Variants in DOCK3 observed in about 807,000 individuals in gnomAD.
The protein encoded by DOCK3 is dedicator of cytokinesis protein 3.
In DOCK3, 60 loss-of-function variants were observed where a neutral mutation model predicts 265.6. That is an observed-to-expected ratio of 0.23 (90% confidence interval 0.18 to 0.28). The LOEUF is 0.28. Ranked by LOEUF, DOCK3 falls within the 10% of genes least tolerant of loss-of-function variation. The pLI, the probability that DOCK3 is intolerant of heterozygous loss-of-function variation, is 1.00. For synonymous variants in DOCK3, 881 were observed against 938.0 expected, an observed-to-expected ratio of 0.94 and a Z score of 1.11; for missense variants, 1,981 against 2,594.3, an observed-to-expected ratio of 0.76 and a Z score of 5.14.
intron 5 of DOCK3, among the ~76,000 whole-genome samples, chr3:50,977,315 A>G (rs906461287): frequency 1.3e-5 from 2 of 151,928 alleles, no homozygotes; most frequent in African/African-American, 4.8e-5. Flanking sequence ...CACTTCCTTC[A>G]GGAGCTCTTG....
intron 5 of DOCK3, among the ~76,000 whole-genome samples, chr3:50,941,088 C>T (rs2076280250): frequency 6.6e-6 from 1 of 151,980 alleles, no homozygotes; most frequent in Non-Finnish European, 1.5e-5. Flanking sequence ...TCTATCAAAA[C>T]CAAAATTTTT....
chr3:51,257,881 A>C (rs1400006984), intron 22 of DOCK3, among the ~76,000 whole-genome samples: 1 of 152,178 alleles, frequency 6.6e-6, no homozygotes, highest in East Asian at 1.9e-4. Flanking sequence ...AATCTGTCAG[A>C]GGTGGCCAGC....
intron 1 of DOCK3, among the ~76,000 whole-genome samples, chr3:50,677,597 G>A (rs537969434): frequency 1.3e-5 from 2 of 152,302 alleles, no homozygotes; most frequent in South Asian, 2.1e-4. Context: ...ACATAGCAAG[G>A]AGGGAAACCC....
intron 2 of DOCK3, chr3:50,786,947 G>A: frequency 2.7e-6 from 2 of 741,022 alleles, no homozygotes; most frequent in Non-Finnish European, 2.5e-6. Flanking sequence ...GGTTTCACAT[G>A]TAAATGGCAT....
In DOCK3 at chr3:51,312,010, A is replaced by T. The variant is rs1296946984; in HGVS notation, c.3024A>T (p.Ile1008=). 5 of 1,600,002 alleles carry T rather than the reference A, an allele frequency of 3.1e-6. No individual in the cohort carries two copies. The highest frequency in any genetic ancestry group is 4.3e-6 in the Non-Finnish European group (5 of 1,172,382). Residue 1008 remains isoleucine, a synonymous_variant, in exon 29 of 53, where the codon ATA becomes ATT. Transcript: ENST00000266037. ...CCTTGTTTCCTTACTGCAGTATTATAGTCACTACTGTCCAGTACCTGTCCT... is the reference window on the plus strand; with the variant it reads ...CCTTGTTTCCTTACTGCAGTATTATTGTCACTACTGTCCAGTACCTGTCCT... The part of the protein sequence containing the change: ...MVMRLLTSNI[I]VTTVQYLSSA...
At chr3:50,900,407 G>A (rs2049124793) in intron 4 of DOCK3, among the ~76,000 whole-genome samples, 1 of 152,052 alleles carries the variant, frequency 6.6e-6, no homozygotes, top group African/African-American at 2.4e-5. Flanking sequence ...TAGCTTCGTT[G>A]CATTGGGTTA....
In DOCK3 at chr3:51,089,233, C is replaced by T. The variant is rs1473839027; in HGVS notation, c.550-10C>T. 1.2e-6 allele frequency: 2 copies of T among 1,603,206 alleles called. No homozygotes were observed. The highest frequency in any genetic ancestry group is 2.7e-5 in the African/African-American group (2 of 74,772). On this transcript the variant is annotated splice_polypyrimidine_tract_variant and intron_variant, in intron 7 of 52. Coordinates refer to ENST00000266037, the MANE Select transcript of DOCK3 (RefSeq NM_004947.5). ...CGGTAGAGTTTATTTTTCTTTCCTT[C>T]TTTCCATAGCATTTATCTAGCCGGC...
intron 16 of DOCK3, 56 bp from the exon 17 acceptor site, chr3:51,227,926 C>T: frequency 6.5e-7 from 1 of 1,546,644 alleles, no homozygotes; most frequent in South Asian, 1.1e-5. Context: ...AGGAGAATTT[C>T]CATGAGGAAG....
At chr3:50,930,677 G>A (rs1005453397) in intron 4 of DOCK3, among the ~76,000 whole-genome samples, 4 of 152,156 alleles carry the variant, frequency 2.6e-5, no homozygotes, top group Non-Finnish European at 5.9e-5. Flanking sequence ...GCCCAGGGTG[G>A]GCACCTCTGG....
intron 38 of DOCK3, among the ~76,000 whole-genome samples, chr3:51,345,642 C>T (rs778154356): frequency 7.2e-5 from 11 of 152,094 alleles, no homozygotes; most frequent in Non-Finnish European, 1.5e-4. Flanking sequence ...AAACAAACAA[C>T]AACAAAACAC....
At chr3:50,839,748 TCTCCC>T (rs1329602670) in intron 2 of DOCK3, among the ~76,000 whole-genome samples, 1 of 47,736 alleles carries the variant, frequency 2.1e-5, no homozygotes, top group Non-Finnish European at 3.7e-5. Context: ...CCTCCCCTCC[TCTCCC>T]CTCCCCTCCT....
Position 50,917,807 on chromosome 3 carries a change from C to T in DOCK3, c.219-16174C>T, listed in dbSNP as rs370290373. Among the ~76,000 whole-genome samples the T allele has an allele frequency of 1.6e-3, 247 of 152,032 alleles. 2 individuals carry two copies. Among genetic ancestry groups the T allele is most frequent in the East Asian group, 7.9e-3 (41 of 5,162 alleles). On this transcript the variant is annotated intron_variant, in intron 4 of 52. Coordinates refer to ENST00000266037, the MANE Select transcript of DOCK3 (RefSeq NM_004947.5). ...TAAGTTCTAGGGTTCATGTGCATAA[C>T]GTGCAGCTTTGTTACATATGTATAC...
At chr3:50,704,028 A>G (rs537221976) in intron 1 of DOCK3, among the ~76,000 whole-genome samples, 2 of 151,808 alleles carry the variant, frequency 1.3e-5, no homozygotes, top group African/African-American at 4.8e-5. Flanking sequence ...TAATTTCTTT[A>G]TTGACCCAGT....
intron 12 of DOCK3, among the ~76,000 whole-genome samples, chr3:51,199,381 A>T (rs1240491989): frequency 6.6e-6 from 1 of 152,230 alleles, no homozygotes; most frequent in Non-Finnish European, 1.5e-5. Context: ...ACATCAGGAG[A>T]TTATATCCTG....
chr3:51,325,127 A>G (rs1398430581), intron 32 of DOCK3, among the ~76,000 whole-genome samples: 1 of 152,200 alleles, frequency 6.6e-6, no homozygotes, highest in Admixed American at 6.5e-5. Context: ...CAGAGTGAAC[A>G]GACAACCTAC....
chr3:50,903,189 C>T (rs1386296210), intron 4 of DOCK3, among the ~76,000 whole-genome samples: 3 of 152,204 alleles, frequency 2.0e-5, no homozygotes, highest in African/African-American at 7.2e-5. Flanking sequence ...CTGACCAGAA[C>T]TTCCAATGCT....
intron 23 of DOCK3, among the ~76,000 whole-genome samples, chr3:51,266,582 A>G (rs2080183861): frequency 6.6e-6 from 1 of 152,222 alleles, no homozygotes; most frequent in Non-Finnish European, 1.5e-5. Flanking sequence ...TGGGGAAAGG[A>G]TTCCCTATTT....
intron 21 of DOCK3, among the ~76,000 whole-genome samples, chr3:51,241,391 A>G (rs1425888847): frequency 6.6e-6 from 1 of 152,116 alleles, no homozygotes; most frequent in Non-Finnish European, 1.5e-5. Flanking sequence ...TCTGATGAAT[A>G]TGTGTCTTGG....
chr3:50,877,720 C>G, intron 3 of DOCK3: 3 of 351,330 alleles, frequency 8.5e-6, no homozygotes, highest in Non-Finnish European at 1.7e-5. Flanking sequence ...TGTCACCAGG[C>G]TGGAGTGCAG....
Sources: allele counts gnomAD v4.1 joint callset (sites outside exome capture counted in the v4.1 genomes callset), GRCh38; gene constraint gnomAD v4.1.1; transcripts MANE v1.5; gene names NCBI Gene and HGNC (gene_info 2026-07-23, HGNC 2026-07-21).